Variants in GAS2L3 observed in about 807,000 individuals in gnomAD.
The protein encoded by GAS2L3 is GAS2-like protein 3.
A neutral mutation model predicts 37.0 loss-of-function variants in GAS2L3; 28 were observed. The ratio of observed to expected loss-of-function variants is 0.76; its 90% CI spans 0.56 to 1.04. The LOEUF (loss-of-function observed/expected upper bound fraction) is 1.04, where lower values mean the gene tolerates loss of function less well. Ranked by LOEUF, GAS2L3 falls within the 50% of genes least tolerant of loss-of-function variation. GAS2L3 has a pLI of 0.00. For synonymous variants in GAS2L3, 290 were observed against 296.6 expected, an observed-to-expected ratio of 0.98 and a Z score of 0.23; for missense variants, 793 against 817.6, an observed-to-expected ratio of 0.97 and a Z score of 0.37.
intron 6 of GAS2L3, chr12:100,612,616 G>A (rs1410621870): frequency 6.2e-6 from 1 of 160,874 alleles, no homozygotes; most frequent in East Asian, 1.9e-4. Flanking sequence ...GTCATGCTCT[G>A]TTGAAGAATT....
chr12:100,610,996 T>C (rs1357391708), intron 5 of GAS2L3: 1 of 151,734 alleles, frequency 6.6e-6, no homozygotes, highest in Non-Finnish European at 1.5e-5. Context: ...TCTTTTTTTT[T>C]TTTTTTTTGA....
At position 100,579,010 on chromosome 12, in the gene GAS2L3, C is replaced by A. The variant is rs1296242812; in HGVS notation, c.-152+5225C>A. On this transcript the variant is annotated intron_variant, in intron 1 of 9. Transcript: ENST00000547754. Reference sequence around the variant, plus strand: ...GTTACCTCACTAATGACCTCAAAGTCTATTACTTGCCTCTGAAAGTCATGT... The same window carrying A: ...GTTACCTCACTAATGACCTCAAAGTATATTACTTGCCTCTGAAAGTCATGT... 4 of 833,578 alleles carry A rather than the reference C, an allele frequency of 4.8e-6. No individual in the cohort carries two copies. In the African/African-American group the frequency reaches 5.0e-5, roughly 10 times the overall value. 51.6% of individuals were successfully genotyped at this position (833,578 alleles called of 1,614,324 possible).
At chr12:100,579,952 A>G in intron 1 of GAS2L3, 1 of 791,346 alleles carries the variant, frequency 1.3e-6, no homozygotes, top group South Asian at 1.3e-5. Context: ...GTATCAGTGG[A>G]ATCTGTGTTG....
intron 1 of GAS2L3, among the ~76,000 whole-genome samples, chr12:100,583,931 A>G (rs1955746125): frequency 1.3e-5 from 2 of 152,202 alleles, no homozygotes; most frequent in African/African-American, 4.8e-5. Context: ...GAAATAATAA[A>G]TGATATCAAA....
At chr12:100,598,995 C>T (rs1335947061) in intron 3 of GAS2L3, among the ~76,000 whole-genome samples, 1 of 152,124 alleles carries the variant, frequency 6.6e-6, no homozygotes, top group Non-Finnish European at 1.5e-5. Context: ...TGTATTGGGA[C>T]GTTCCCCCTT....
chr12:100,621,882 G>GGAGA (rs1205356059), intron 8 of GAS2L3, among the ~76,000 whole-genome samples: 92 of 81,252 alleles, frequency 1.1e-3, no homozygotes, highest in Admixed American at 2.9e-3. Context: ...GGTGGGGGGG[G>GGAGA]GAGAGAGAGA....
intron 6 of GAS2L3, among the ~76,000 whole-genome samples, chr12:100,614,436 C>T (rs1015737058): frequency 2.0e-5 from 3 of 151,692 alleles, no homozygotes; most frequent in Non-Finnish European, 4.4e-5. Context: ...ACACTCCAGA[C>T]TGGGTGAAAG....
At chr12:100,586,495 G>A (rs908358585) in intron 1 of GAS2L3, among the ~76,000 whole-genome samples, 3 of 152,122 alleles carry the variant, frequency 2.0e-5, no homozygotes, top group African/African-American at 7.2e-5. Context: ...GGTCAAAAAC[G>A]AAATCAAGAT....
intron 5 of GAS2L3, among the ~76,000 whole-genome samples, chr12:100,611,572 G>T (rs535419350): frequency 2.0e-5 from 3 of 152,180 alleles, no homozygotes; most frequent in Admixed American, 2.0e-4. Flanking sequence ...AGATTTGGGC[G>T]GGGGTGGTTT....
intron 3 of GAS2L3, among the ~76,000 whole-genome samples, chr12:100,599,477 A>G (rs1955956677): frequency 6.6e-6 from 1 of 152,234 alleles, no homozygotes. Flanking sequence ...TATAACAACC[A>G]TTTTAAAATG....
At position 100,624,125 on chromosome 12, in the gene GAS2L3, T is replaced by A. The variant is rs1424136044; in HGVS notation, c.1320T>A (p.Asn440Lys). The A allele has an allele frequency of 5.6e-6, 9 of 1,613,634 alleles. No homozygotes were observed. The highest frequency in any genetic ancestry group is 1.3e-5 in the African/African-American group (1 of 74,790). Residue 440 changes from asparagine (N) to lysine (K), a missense_variant, in exon 10 of 10, where the codon AAT becomes AAA. Physicochemically the swap from Asn to Lys is moderately conservative, Grantham distance 94 (BLOSUM62 0). Transcript: ENST00000547754. The part of the protein sequence containing the change: ...ESPRKCISSP[N>K]TPKAKVIPAQ... ...CGAGAAAATGTATTTCATCCCCCAA[T>A]ACCCCCAAGGCCAAGGTTATTCCAG...
In GAS2L3 at chr12:100,624,540, AAAGAT is replaced by A. The variant is rs1174386281; in HGVS notation, c.1740_1744del (p.Asp580GlufsTer13). The A allele has an allele frequency of 5.0e-6, 8 of 1,614,092 alleles. No individual in the cohort carries two copies. In the East Asian group the frequency reaches 1.8e-4, roughly 36 times the overall value. On this transcript the variant is annotated frameshift_variant, in exon 10 of 10. Transcript: ENST00000547754. LOFTEE classifies it low-confidence loss of function (END_TRUNC). ...TCCTGTAAAAGCCACACAGAAATCA[AAAGAT>A]AAGAATATAGTTTCAGCTACCAAAA...
Position 100,625,456 on chromosome 12 carries a change from A to C in GAS2L3, c.*566A>C, listed in dbSNP as rs1215112633. 6.6e-6 allele frequency: 1 copy of C among 152,072 alleles called. No individual in the cohort carries two copies. The highest frequency in any genetic ancestry group is 1.5e-5 in the Non-Finnish European group (1 of 67,996). 9.4% of individuals were successfully genotyped at this position (152,072 alleles called of 1,614,324 possible). ...TTATTCTGTGTTAGGTAGAATTCTT[A>C]TTATTTATTTTTTTAAGCTTTCCAA... On this transcript the variant is annotated 3_prime_UTR_variant, in exon 10 of 10. Coordinates refer to ENST00000547754, the MANE Select transcript of GAS2L3 (RefSeq NM_174942.3).
intron 1 of GAS2L3, among the ~76,000 whole-genome samples, chr12:100,588,873 T>G (rs1955812338): frequency 6.6e-6 from 1 of 152,190 alleles, no homozygotes; most frequent in African/African-American, 2.4e-5. Flanking sequence ...ATGGCTCTTT[T>G]TGCCTGACCC....
intron 8 of GAS2L3, 153 bp downstream of exon 8, chr12:100,618,740 C>A: frequency 3.3e-6 from 2 of 597,984 alleles, no homozygotes; most frequent in South Asian, 3.0e-5. Flanking sequence ...CTGATGAATT[C>A]AGGGCATTAT....
chr12:100,595,061 T>A (rs1565802239), intron 3 of GAS2L3, 139 bp downstream of exon 3: 1 of 391,674 alleles, frequency 2.6e-6, no homozygotes, highest in South Asian at 7.3e-5. Context: ...ACACATACTA[T>A]ATTTTGACTT....
At chr12:100,621,841 T>C (rs142424933) in intron 8 of GAS2L3, among the ~76,000 whole-genome samples, 1,986 of 122,370 alleles carry the variant, frequency 0.016, 47 homozygotes, top group African/African-American at 0.059. Flanking sequence ...CTGTGTTATA[T>C]GTTCGAAGAT....
chr12:100,600,655 C>T (rs1293569402), intron 4 of GAS2L3, 105 bp downstream of exon 4: 3 of 909,560 alleles, frequency 3.3e-6, no homozygotes, highest in Non-Finnish European at 5.2e-6. Flanking sequence ...GCTGGGGATA[C>T]TCCAGTGAAT....
At chr12:100,593,043 T>C (rs1314494964) in intron 2 of GAS2L3, among the ~76,000 whole-genome samples, 1 of 152,110 alleles carries the variant, frequency 6.6e-6, no homozygotes, top group Non-Finnish European at 1.5e-5. Flanking sequence ...ATTGTGATAG[T>C]ATCGAGGACT....
Sources: allele counts gnomAD v4.1 joint callset (sites outside exome capture counted in the v4.1 genomes callset), GRCh38; gene constraint gnomAD v4.1.1; transcripts MANE v1.5; gene names NCBI Gene and HGNC (gene_info 2026-07-23, HGNC 2026-07-21).